Variants in FBXW4 observed in about 807,000 individuals in gnomAD.
FBXW4 encodes F-box and WD repeat domain containing 4.
A neutral mutation model predicts 61.8 loss-of-function variants in FBXW4; 40 were observed. That is an observed-to-expected ratio of 0.65 (90% CI 0.50 to 0.84). The LOEUF (loss-of-function observed/expected upper bound fraction) is 0.84, where lower values mean the gene tolerates loss of function less well. Among genes scored for constraint, FBXW4 ranks in the 40% least tolerant of loss-of-function variants. The pLI is 0.00. For missense variants in FBXW4, 672 were observed against 753.8 expected, an observed-to-expected ratio of 0.89 and a Z score of 1.27; for synonymous variants, 311 against 313.8, an observed-to-expected ratio of 0.99 and a Z score of 0.10.
intron 5 of FBXW4, among the ~76,000 whole-genome samples, chr10:101,629,801 G>C (rs916219676): frequency 4.0e-5 from 6 of 151,568 alleles, no homozygotes; most frequent in African/African-American, 1.2e-4. Context: ...TATAATGCCT[G>C]ACACATATTG....
intron 5 of FBXW4, among the ~76,000 whole-genome samples, chr10:101,643,842 G>T (rs965064606): frequency 6.6e-6 from 1 of 152,190 alleles, no homozygotes; most frequent in African/African-American, 2.4e-5. Flanking sequence ...GGGGGCCTGG[G>T]GTAGGGAAGT....
At chr10:101,621,318 C>A (rs1293237763) in intron 6 of FBXW4, among the ~76,000 whole-genome samples, 1 of 152,192 alleles carries the variant, frequency 6.6e-6, no homozygotes, top group African/African-American at 2.4e-5. Flanking sequence ...CTTGAGCCAA[C>A]GAGTTCGAGA....
intron 6 of FBXW4, among the ~76,000 whole-genome samples, chr10:101,613,429 C>T (rs2063803542): frequency 6.6e-6 from 1 of 152,228 alleles, no homozygotes; most frequent in Admixed American, 6.5e-5. Flanking sequence ...GCCTTAGCTT[C>T]CTTTACCCGT....
At chr10:101,666,724 G>A (rs755672609) in intron 5 of FBXW4, among the ~76,000 whole-genome samples, 3 of 152,108 alleles carry the variant, frequency 2.0e-5, no homozygotes, top group East Asian at 1.9e-4. Context: ...AGAGAGCCTC[G>A]AAAGCAGAAG....
intron 5 of FBXW4, among the ~76,000 whole-genome samples, chr10:101,630,732 GA>G (rs1225109633): frequency 6.6e-6 from 1 of 152,086 alleles, no homozygotes; most frequent in Non-Finnish European, 1.5e-5. Context: ...GGGGGCAGGT[GA>G]AAGTGTGAGA....
chr10:101,652,751 G>C (rs139755607), intron 5 of FBXW4, among the ~76,000 whole-genome samples: 7 of 152,254 alleles, frequency 4.6e-5, no homozygotes, highest in Admixed American at 1.3e-4. Flanking sequence ...TAGGGAAAAG[G>C]CATAATAAGC....
intron 6 of FBXW4, among the ~76,000 whole-genome samples, chr10:101,620,636 T>C (rs971193733): frequency 6.6e-5 from 10 of 152,164 alleles, no homozygotes; most frequent in African/African-American, 2.4e-4. Flanking sequence ...GTTTGTTTTG[T>C]TCTGTTTTTA....
intron 5 of FBXW4, among the ~76,000 whole-genome samples, chr10:101,643,961 G>A (rs1234882449): frequency 2.0e-5 from 3 of 152,116 alleles, no homozygotes; most frequent in South Asian, 2.1e-4. Flanking sequence ...TGCCCTCCCC[G>A]CAAAGCCTAA....
chr10:101,637,315 C>G (rs1413283180), intron 5 of FBXW4, among the ~76,000 whole-genome samples: 1 of 139,760 alleles, frequency 7.2e-6, no homozygotes, highest in African/African-American at 2.7e-5. Context: ...TGGTGTGAAC[C>G]TGGGAGGCGG....
chr10:101,663,198 C>G (rs959286291), intron 5 of FBXW4, among the ~76,000 whole-genome samples: 3 of 152,182 alleles, frequency 2.0e-5, no homozygotes, highest in African/African-American at 7.2e-5. Context: ...TGACACTCCC[C>G]CTTCCTCCCC....
At chr10:101,664,169 G>A (rs913442317) in intron 5 of FBXW4, among the ~76,000 whole-genome samples, 3 of 152,340 alleles carry the variant, frequency 2.0e-5, no homozygotes, top group African/African-American at 7.2e-5. Context: ...TCTCAGTCGT[G>A]AGGACCTCAA....
intron 5 of FBXW4, among the ~76,000 whole-genome samples, chr10:101,656,959 T>C (rs929294294): frequency 2.0e-5 from 3 of 152,128 alleles, no homozygotes; most frequent in East Asian, 1.9e-4. Context: ...TCAATTTGCA[T>C]TGAAAACCAT....
At chr10:101,662,933 C>G (rs1449691397) in intron 5 of FBXW4, among the ~76,000 whole-genome samples, 1 of 152,186 alleles carries the variant, frequency 6.6e-6, no homozygotes, top group Non-Finnish European at 1.5e-5. Flanking sequence ...CCACCACTCC[C>G]TGTCTCAACT....
At chr10:101,679,423 G>A (rs934701574) in intron 1 of FBXW4, among the ~76,000 whole-genome samples, 1 of 152,040 alleles carries the variant, frequency 6.6e-6, no homozygotes, top group African/African-American at 2.4e-5. Flanking sequence ...TTGGAAATAA[G>A]CAATAAGCAA....
intron 5 of FBXW4, among the ~76,000 whole-genome samples, chr10:101,661,852 C>T (rs1251993211): frequency 6.6e-6 from 1 of 152,190 alleles, no homozygotes; most frequent in Non-Finnish European, 1.5e-5. Flanking sequence ...CAGCTACAGT[C>T]CACGCCATCA....
chr10:101,633,892 C>G (rs1227715394), intron 5 of FBXW4, among the ~76,000 whole-genome samples: 1 of 152,058 alleles, frequency 6.6e-6, no homozygotes, highest in Non-Finnish European at 1.5e-5. Context: ...GGGTGGATCA[C>G]CCAAGTTCAG....
intron 6 of FBXW4, among the ~76,000 whole-genome samples, chr10:101,612,804 C>T (rs1394461899): frequency 2.0e-5 from 3 of 152,054 alleles, no homozygotes; most frequent in African/African-American, 7.2e-5. Context: ...GTCGGCCCCC[C>T]TCACATTCAC....
At chr10:101,679,738 A>T (rs1004581869) in intron 1 of FBXW4, among the ~76,000 whole-genome samples, 9 of 152,050 alleles carry the variant, frequency 5.9e-5, no homozygotes, top group East Asian at 1.9e-4. Flanking sequence ...CCTTTTTAAA[A>T]TTTTTTTACT....
intron 6 of FBXW4, among the ~76,000 whole-genome samples, chr10:101,622,240 G>A (rs928962980): frequency 1.3e-5 from 2 of 151,954 alleles, no homozygotes; most frequent in African/African-American, 2.4e-5. Flanking sequence ...AACTGAGGAA[G>A]CAGGTGAGAA....
Sources: gnomAD v4.1 joint callset for allele counts (sites outside exome capture counted in the v4.1 genomes callset) on GRCh38, gnomAD v4.1.1 for gene constraint, MANE v1.5 for transcripts, NCBI Gene and HGNC (gene_info 2026-07-23, HGNC 2026-07-21) for gene names.